ERC1: variants seen among roughly 807,000 people sequenced by gnomAD.
ERC1 encodes ELKS/RAB6-interacting/CAST family member 1.
A neutral mutation model predicts 132.0 loss-of-function variants in ERC1; 56 were observed. The ratio of observed to expected loss-of-function variants is 0.42; its 90% CI spans 0.34 to 0.53. The LOEUF (loss-of-function observed/expected upper bound fraction) is 0.53. Ranked by LOEUF, ERC1 falls within the 20% of genes least tolerant of loss-of-function variation. ERC1 has a pLI of 0.03. For synonymous variants in ERC1, 478 were observed against 476.1 expected, an observed-to-expected ratio of 1.00 and a Z score of -0.05; for missense variants, 1,202 against 1,349.9, an observed-to-expected ratio of 0.89 and a Z score of 1.72.
chr12:1,433,371 A>C (rs2092855784), intron 17 of ERC1, among the ~76,000 whole-genome samples: 1 of 152,218 alleles, frequency 6.6e-6, no homozygotes, highest in African/African-American at 2.4e-5. Flanking sequence ...AGCTCTATGC[A>C]CGTGTATGTT....
intron 8 of ERC1, among the ~76,000 whole-genome samples, chr12:1,171,776 C>G (rs1047661502): frequency 6.6e-6 from 1 of 152,196 alleles, no homozygotes; most frequent in African/African-American, 2.4e-5. Context: ...GAGGAAGTCT[C>G]TTCTGCGTTT....
At chr12:1,170,131 A>G (rs1217535560) in intron 8 of ERC1, among the ~76,000 whole-genome samples, 2 of 152,190 alleles carry the variant, frequency 1.3e-5, no homozygotes, top group South Asian at 4.1e-4. Flanking sequence ...AATTGGTATA[A>G]TATTACACTT....
At chr12:1,226,432 GA>G (rs779940571) in intron 12 of ERC1, among the ~76,000 whole-genome samples, 1 of 152,146 alleles carries the variant, frequency 6.6e-6, no homozygotes, top group Non-Finnish European at 1.5e-5. Context: ...TGTGTTGTTA[GA>G]ACCCTTAAGA....
intron 12 of ERC1, among the ~76,000 whole-genome samples, chr12:1,205,669 T>A (rs1226321563): frequency 2.0e-5 from 3 of 152,180 alleles, no homozygotes; most frequent in Non-Finnish European, 4.4e-5. Flanking sequence ...GTTTCTAATC[T>A]AAACATTTTC....
At chr12:1,255,620 C>CATTTTTT (rs1566399407) in intron 13 of ERC1, among the ~76,000 whole-genome samples, 10 of 86,434 alleles carry the variant, frequency 1.2e-4, no homozygotes, top group Non-Finnish European at 2.7e-4. Context: ...TGCTTCCTGG[C>CATTTTTT]CTTTTTTTTT....
intron 8 of ERC1, among the ~76,000 whole-genome samples, chr12:1,169,284 C>G (rs1952794701): frequency 6.6e-6 from 1 of 152,182 alleles, no homozygotes; most frequent in Non-Finnish European, 1.5e-5. Context: ...ACAGAAAGCC[C>G]TCCACTTTCC....
intron 9 of ERC1, among the ~76,000 whole-genome samples, chr12:1,181,271 T>A (rs904493873): frequency 6.6e-6 from 1 of 152,230 alleles, no homozygotes; most frequent in Non-Finnish European, 1.5e-5. Context: ...TTCCATTGCC[T>A]TGTGGGCAAC....
chr12:1,396,046 T>C (rs1284617247), intron 16 of ERC1, among the ~76,000 whole-genome samples: 1 of 152,164 alleles, frequency 6.6e-6, no homozygotes. Flanking sequence ...GAAAACTTTA[T>C]AAATATGTGT....
In ERC1 at chr12:1,179,719, G is replaced by T. The variant is rs79873785; in HGVS notation, c.1738-821G>T. Reference sequence around the variant, plus strand: ...AGACGGGGTTTCACCGTTTTAGCTGGGATGGTCTTGATCTCCTGACCTCGT... The same window carrying T: ...AGACGGGGTTTCACCGTTTTAGCTGTGATGGTCTTGATCTCCTGACCTCGT... On this transcript the variant is annotated intron_variant, in intron 8 of 18. Coordinates refer to ENST00000360905, the MANE Select transcript of ERC1 (RefSeq NM_178040.4). 4.8e-5 allele frequency among the ~76,000 whole-genome samples: 7 copies of T among 145,378 alleles called. No homozygotes were observed. The East Asian group carries it at 6.1e-4, about 13-fold the overall frequency.
intron 2 of ERC1, among the ~76,000 whole-genome samples, chr12:1,054,546 A>ACGGATGG (rs1972590193): frequency 6.6e-6 from 1 of 151,668 alleles, no homozygotes; most frequent in Non-Finnish European, 1.5e-5. Flanking sequence ...TTTAGGCAAA[A>ACGGATGG]CGGATGGCAG....
chr12:1,313,759 C>T (rs937030739), intron 15 of ERC1, among the ~76,000 whole-genome samples: 1 of 151,854 alleles, frequency 6.6e-6, no homozygotes. Flanking sequence ...CCAAGCTGGG[C>T]GGATCCCCTG....
At chr12:1,147,546 T>A (rs888938402) in intron 8 of ERC1, among the ~76,000 whole-genome samples, 1 of 152,228 alleles carries the variant, frequency 6.6e-6, no homozygotes, top group Non-Finnish European at 1.5e-5. Flanking sequence ...CACAATAACA[T>A]GTTGGTAAGA....
At chr12:1,489,034 G>C (rs2094286291) in intron 18 of ERC1, among the ~76,000 whole-genome samples, 1 of 152,162 alleles carries the variant, frequency 6.6e-6, no homozygotes, top group African/African-American at 2.4e-5. Flanking sequence ...TTGTGGTTGT[G>C]GTTTGGTTTC....
intron 15 of ERC1, among the ~76,000 whole-genome samples, chr12:1,297,554 A>T (rs959611709): frequency 6.6e-6 from 1 of 151,086 alleles, no homozygotes; most frequent in African/African-American, 2.4e-5. Flanking sequence ...AAAAAAAAAA[A>T]AAAAAATTAG....
chr12:1,136,052 C>G (rs4766143), intron 7 of ERC1, among the ~76,000 whole-genome samples: 7,217 of 152,254 alleles, frequency 0.047, 206 homozygotes, highest in Non-Finnish European at 0.062. Context: ...TATTCTCTCT[C>G]GAAGCTAAAA....
At chr12:1,131,659 G>A (rs982601458) in intron 7 of ERC1, among the ~76,000 whole-genome samples, 2 of 151,944 alleles carry the variant, frequency 1.3e-5, no homozygotes, top group Non-Finnish European at 2.9e-5. Context: ...TAGAGATGGG[G>A]TTTCACCCTG....
At chr12:1,335,018 T>TTCA in intron 15 of ERC1, among the ~76,000 whole-genome samples, 1 of 152,348 alleles carries the variant, frequency 6.6e-6, no homozygotes, top group Middle Eastern at 3.4e-3. Flanking sequence ...ATTCCTGATT[T>TTCA]GGCTCTTGGC....
chr12:1,309,714 C>CT lies in ERC1; in HGVS notation c.2780+19721dup, dbSNP rs201086756. On this transcript the variant is annotated intron_variant, in intron 15 of 18. Transcript: ENST00000360905. Reference sequence around the variant, plus strand: ...AGTATTCTCATTATGTGCACTCTGACTTTTTTTTTTTTTTTTTTTAATGTC... The same window carrying CT: ...AGTATTCTCATTATGTGCACTCTGACTTTTTTTTTTTTTTTTTTTTAATGTC... 5.1e-3 allele frequency among the ~76,000 whole-genome samples: 696 copies of CT among 135,272 alleles called. 9 individuals carry two copies. The highest frequency in any genetic ancestry group is 0.014 in the African/African-American group (512 of 36,320). The allele number at this position is 135,272 out of a possible 152,430, so 88.7% of individuals were successfully genotyped here.
chr12:1,225,493 C>CACACACACAT (rs2074508771), intron 12 of ERC1, among the ~76,000 whole-genome samples: 1 of 150,008 alleles, frequency 6.7e-6, no homozygotes, highest in African/African-American at 2.4e-5. Context: ...CACACACACA[C>CACACACACAT]GGAGTGGTTG....
Sources: allele counts gnomAD v4.1 joint callset (sites outside exome capture counted in the v4.1 genomes callset), GRCh38; gene constraint gnomAD v4.1.1; transcripts MANE v1.5; gene names NCBI Gene and HGNC (gene_info 2026-07-23, HGNC 2026-07-21).